The following DOCK10 variants were observed in gnomAD, a reference collection of about 807,000 sequenced individuals.
DOCK10 encodes dedicator of cytokinesis protein 10.
DOCK10 carries 145 observed loss-of-function variants against 280.1 expected under a neutral mutation model. The ratio of observed to expected loss-of-function variants is 0.52; its 90% CI spans 0.45 to 0.59. DOCK10 has a LOEUF of 0.59. DOCK10 is among the 20% of genes least tolerant of loss of function. DOCK10 has a pLI of 0.00. For synonymous variants in DOCK10, 915 were observed against 942.2 expected, an observed-to-expected ratio of 0.97 and a Z score of 0.53; for missense variants, 2,368 against 2,651.7, an observed-to-expected ratio of 0.89 and a Z score of 2.35.
At chr2:224,899,917 C>A (rs1049673026) in intron 3 of DOCK10, among the ~76,000 whole-genome samples, 4 of 152,126 alleles carry the variant, frequency 2.6e-5, no homozygotes, top group African/African-American at 9.7e-5. Context: ...TTATTCTTGT[C>A]CTGGGACTAG....
chr2:224,823,057 G>A (rs1477673855), intron 28 of DOCK10, among the ~76,000 whole-genome samples: 1 of 145,996 alleles, frequency 6.8e-6, no homozygotes, highest in Non-Finnish European at 1.5e-5. Context: ...GTGTGATCTC[G>A]GCTCACTGCA....
At chr2:225,014,098 GTTTTTTT>G (rs779702257) in intron 1 of DOCK10, among the ~76,000 whole-genome samples, 1 of 91,664 alleles carries the variant, frequency 1.1e-5, no homozygotes, top group Admixed American at 1.1e-4. Context: ...TTTTTTTTTT[GTTTTTTT>G]TTTTAAGAAA....
chr2:224,931,137 T>G (rs1702345009), intron 2 of DOCK10, among the ~76,000 whole-genome samples: 1 of 152,224 alleles, frequency 6.6e-6, no homozygotes, highest in Non-Finnish European at 1.5e-5. Context: ...TAAGGGTGAT[T>G]TTTAAGAACT....
At chr2:224,880,933 C>T (rs767415772) in intron 7 of DOCK10, among the ~76,000 whole-genome samples, 1 of 142,574 alleles carries the variant, frequency 7.0e-6, no homozygotes, top group Non-Finnish European at 1.5e-5. Flanking sequence ...ATGAAATCCT[C>T]TCCACTCTCT....
chr2:224,983,151 T>A (rs954090847), intron 1 of DOCK10, among the ~76,000 whole-genome samples: 2 of 152,202 alleles, frequency 1.3e-5, no homozygotes, highest in African/African-American at 4.8e-5. Flanking sequence ...GCTGACCTCT[T>A]AGAAAAAGCA....
At chr2:224,766,792 A>C (rs1690101708) in intron 55 of DOCK10, among the ~76,000 whole-genome samples, 1 of 152,234 alleles carries the variant, frequency 6.6e-6, no homozygotes, top group Non-Finnish European at 1.5e-5. Context: ...GCTTCAAAGA[A>C]GGCTTTTATG....
chr2:224,851,460 A>ATTTT (rs1559559427), intron 18 of DOCK10, among the ~76,000 whole-genome samples: 35 of 138,544 alleles, frequency 2.5e-4, no homozygotes, highest in Non-Finnish European at 2.8e-4. Flanking sequence ...TTTTTTTTTA[A>ATTTT]AAAAAAAAAA....
Position 224,864,692 on chromosome 2 carries a change from C to A in DOCK10, c.1480-17G>T, listed in dbSNP as rs1371372700. ...AAATACAGCCTGTGTACAAAGAAAGCAGCTAATAAGCATGGAAGAAACCAC... is the reference window on the plus strand; with the variant it reads ...AAATACAGCCTGTGTACAAAGAAAGAAGCTAATAAGCATGGAAGAAACCAC... On this transcript the variant is annotated splice_polypyrimidine_tract_variant and intron_variant, in intron 12 of 55. Coordinates refer to ENST00000258390, the MANE Select transcript of DOCK10 (RefSeq NM_014689.3). 12 of 1,600,082 alleles carry A rather than the reference C, an allele frequency of 7.5e-6. No individual in the cohort carries two copies. Among genetic ancestry groups the A allele is most frequent in the Non-Finnish European group, 1.0e-5 (12 of 1,176,076 alleles).
At chr2:224,895,916 T>C (rs1416011480) in intron 4 of DOCK10, among the ~76,000 whole-genome samples, 1 of 151,262 alleles carries the variant, frequency 6.6e-6, no homozygotes, top group Non-Finnish European at 1.5e-5. Flanking sequence ...AGCATGAAAA[T>C]ACATGAAACA....
intron 7 of DOCK10, among the ~76,000 whole-genome samples, chr2:224,884,681 C>T (rs1699173712): frequency 6.6e-6 from 1 of 152,178 alleles, no homozygotes; most frequent in Non-Finnish European, 1.5e-5. Context: ...GTTAAAAGCA[C>T]TATGTCTGCT....
chr2:224,820,456 C>G (rs1170530381), intron 28 of DOCK10, among the ~76,000 whole-genome samples: 2 of 152,352 alleles, frequency 1.3e-5, no homozygotes, highest in Admixed American at 6.5e-5. Flanking sequence ...CAGCTCATTA[C>G]TTGGTGTGTG....
At chr2:224,964,542 T>A (rs1380039525) in intron 1 of DOCK10, among the ~76,000 whole-genome samples, 1 of 152,020 alleles carries the variant, frequency 6.6e-6, no homozygotes, top group Non-Finnish European at 1.5e-5. Context: ...TCTCGCCCCA[T>A]CACCCAGTCT....
intron 2 of DOCK10, among the ~76,000 whole-genome samples, chr2:224,917,279 T>C (rs1386298401): frequency 6.6e-6 from 1 of 151,838 alleles, no homozygotes; most frequent in Non-Finnish European, 1.5e-5. Flanking sequence ...CTAATTTTTG[T>C]ATTTTTTAGT....
intron 1 of DOCK10, among the ~76,000 whole-genome samples, chr2:224,996,078 T>C (rs1173625805): frequency 6.6e-6 from 1 of 152,220 alleles, no homozygotes; most frequent in African/African-American, 2.4e-5. Context: ...CCATTGCTTA[T>C]GCAATAAAAG....
At chr2:224,854,817 GA>G (rs11378228) in intron 16 of DOCK10, 145 bp downstream of exon 16, 517 of 521,162 alleles carry the variant, frequency 9.9e-4, no homozygotes, top group East Asian at 1.6e-3. Context: ...CAACTTTTGG[GA>G]AAAAAAAAAC....
intron 11 of DOCK10, among the ~76,000 whole-genome samples, chr2:224,868,259 A>AT (rs1698054706): frequency 1.3e-5 from 2 of 152,196 alleles, no homozygotes; most frequent in Admixed American, 1.3e-4. Flanking sequence ...GAAGGAAAGA[A>AT]TGGTCAACTA....
At chr2:224,920,977 G>A (rs1701671023) in intron 2 of DOCK10, among the ~76,000 whole-genome samples, 1 of 149,206 alleles carries the variant, frequency 6.7e-6, no homozygotes, top group Non-Finnish European at 1.5e-5. Flanking sequence ...AAAGTGGGCT[G>A]GGCACGGTGG....
At position 224,805,095 on chromosome 2, in the gene DOCK10, G is replaced by A; in HGVS notation, c.4081C>T (p.Pro1361Ser). The change falls in exon 37 of 56, where the codon CCC becomes TCC. Residue 1361 changes from proline (P) to serine (S), a missense_variant. Around this residue, in one of 2 missense-constraint regions of DOCK10, gnomAD observed 1,159 missense variants for 1,400.8 expected, o/e 0.83. Transcript: ENST00000258390. The surrounding 1 kb of genome is among the most constrained non-coding windows in gnomAD (Gnocchi z 4.3). ...AAGAAGTCGGACACCTCTGGGCTGG[G>A]AGCTCTCTGCCAGTAGGCAATCAGA... Reference protein sequence around the residue: ...ETLIAYWQRAPSPEVSDFFSI... With the variant: ...ETLIAYWQRASSPEVSDFFSI... 1.2e-6 allele frequency: 2 copies of A among 1,611,782 alleles called. No individual in the cohort carries two copies. The highest frequency in any genetic ancestry group is 1.7e-4 in the Middle Eastern group (1 of 6,046).
Position 224,885,957 on chromosome 2 carries a change from T to C in DOCK10, c.612+106A>G. 2.6e-6 allele frequency: 4 copies of C among 1,515,482 alleles called. No homozygotes were observed. The South Asian group carries it at 3.9e-5, about 15-fold the overall frequency. The allele number at this position is 1,515,482 out of a possible 1,614,324, so 93.9% of individuals were successfully genotyped here. On this transcript the variant is annotated intron_variant, in intron 6 of 55. Transcript: ENST00000258390. ...CTACTTCCTCATAAATAAAATATTA[T>C]ATGAAACATAAACTCAATGCAAATG...
Sources: allele counts gnomAD v4.1 joint callset (sites outside exome capture counted in the v4.1 genomes callset), GRCh38; gene constraint gnomAD v4.1.1; regional missense constraint gnomAD v4.1.1; non-coding constraint Gnocchi (gnomAD v3.1); transcripts MANE v1.5; gene names NCBI Gene and HGNC (gene_info 2026-07-23, HGNC 2026-07-21).